COLEC11: variants seen among roughly 807,000 people sequenced by gnomAD.
COLEC11 encodes collectin subfamily member 11, also known as collectin-11.
Under a neutral mutation model 27.3 loss-of-function variants are expected in COLEC11, and 20 were observed. That is an observed-to-expected ratio of 0.73 (90% CI 0.51 to 1.06). The LOEUF is 1.06. Among genes scored for constraint, COLEC11 ranks in the 50% least tolerant of loss-of-function variants. The pLI, the probability that COLEC11 is intolerant of heterozygous loss-of-function variation, is 0.00. For synonymous variants in COLEC11, 163 were observed against 154.7 expected (o/e 1.05, Z -0.40); for missense variants, 310 against 383.0 (o/e 0.81, Z 1.59).
chr2:3,634,272 C>T (rs150894351), intron 3 of COLEC11, among the ~76,000 whole-genome samples: 2 of 152,172 alleles, frequency 1.3e-5, no homozygotes, highest in Non-Finnish European at 2.9e-5. Flanking sequence ...GCAGGGACTG[C>T]AGGTTTCTAG....
At chr2:3,637,012 G>A (rs1665464354) in intron 3 of COLEC11, among the ~76,000 whole-genome samples, 1 of 152,206 alleles carries the variant, frequency 6.6e-6, no homozygotes, top group African/African-American at 2.4e-5. Context: ...CTGATGAAGT[G>A]TCCTAGGACC....
At chr2:3,618,569 G>A (rs1663953734) in intron 3 of COLEC11, among the ~76,000 whole-genome samples, 1 of 152,168 alleles carries the variant, frequency 6.6e-6, no homozygotes, top group Non-Finnish European at 1.5e-5. Context: ...AAGTATACTG[G>A]TTTGATTACC....
intron 4 of COLEC11, among the ~76,000 whole-genome samples, chr2:3,639,203 T>C (rs1158413184): frequency 6.6e-6 from 1 of 152,268 alleles, no homozygotes; most frequent in Non-Finnish European, 1.5e-5. Flanking sequence ...TCCATTCACC[T>C]GTCGATGGAC....
rs1663876823 is a variant in COLEC11 at position 3,617,726 on chromosome 2, A to C, written c.202+4344A>C. On this transcript the variant is annotated intron_variant, in intron 3 of 6. Transcript: ENST00000349077. ...GAGCGAGGCGTGCGAGAACGAGAGA[A>C]GTCTGGTCTGCGCAGTGGCCACCAC... 2.3e-5 allele frequency: 35 copies of C among 1,523,390 alleles called. No homozygotes were observed. In the South Asian group the frequency reaches 3.9e-4, roughly 17 times the overall value. The allele number at this position is 1,523,390 out of a possible 1,614,324, so 94.4% of individuals were successfully genotyped here. A position where few individuals can be genotyped will look rare whatever the true frequency, so the allele number is the denominator to read the frequency against.
At chr2:3,604,877 T>C (rs970480069) in intron 2 of COLEC11, 22 of 375,330 alleles carry the variant, frequency 5.9e-5, no homozygotes, top group Non-Finnish European at 1.0e-4. Context: ...TGCTTCTACA[T>C]TGCTTCCTGA....
intron 2 of COLEC11, among the ~76,000 whole-genome samples, chr2:3,610,530 G>T (rs946327952): frequency 6.6e-6 from 1 of 152,166 alleles, no homozygotes; most frequent in Non-Finnish European, 1.5e-5. Flanking sequence ...CCTCATCTCA[G>T]CCACAATCAC....
At chr2:3,595,677 T>C (rs573056809) in intron 1 of COLEC11, among the ~76,000 whole-genome samples, 349 of 152,242 alleles carry the variant, frequency 2.3e-3, no homozygotes, top group Middle Eastern at 6.8e-3. Context: ...TTGGCAACTT[T>C]CCAGGGAAAG....
rs1662283368 is a variant in COLEC11 at position 3,602,213 on chromosome 2, G to T, written c.-26-2102G>T. On this transcript the variant is annotated intron_variant, in intron 1 of 6. Coordinates refer to ENST00000349077, the MANE Select transcript of COLEC11 (RefSeq NM_024027.5). This position sits in a 1 kb window ranked among gnomAD's most constrained non-coding sequence, Gnocchi z 6.2. ...TGACCTTCATTTTGGACCTGAGAGG[G>T]CCAGCTGGCTTGGAATTGTGGGAGA... is the stretch of plus-strand genomic sequence containing the variant. 6.6e-6 allele frequency among the ~76,000 whole-genome samples: 1 copy of T among 152,132 alleles called. No individual in the cohort carries two copies. The highest frequency in any genetic ancestry group is 2.4e-5 in the African/African-American group (1 of 41,434).
At chr2:3,605,197 A>T in intron 2 of COLEC11, 1 of 452,458 alleles carries the variant, frequency 2.2e-6, no homozygotes, top group Non-Finnish European at 4.6e-6. Flanking sequence ...ACAGAACCCA[A>T]GAAGGGACAG....
Position 3,644,056 on chromosome 2 carries a change from AACG to A in COLEC11, c.758_760del (p.Asp253del), listed in dbSNP as rs1478182569. On this transcript the variant is annotated inframe_deletion, in exon 7 of 7. Coordinates refer to ENST00000349077, the MANE Select transcript of COLEC11 (RefSeq NM_024027.5). Reference sequence around the variant, plus strand: ...GGAGATGGTGGCCTCGGGCGGCTGGAACGACGTGGCCTGCCACACCACCATGTA... The same window carrying A: ...GGAGATGGTGGCCTCGGGCGGCTGGAACGTGGCCTGCCACACCACCATGTA... 6.2e-7 allele frequency: 1 copy of A among 1,613,506 alleles called. No individual in the cohort carries two copies.
rs1413745796 is a variant in COLEC11 at position 3,615,804 on chromosome 2, G to T, written c.202+2422G>T. On this transcript the variant is annotated intron_variant, in intron 3 of 6. Coordinates refer to ENST00000349077, the MANE Select transcript of COLEC11 (RefSeq NM_024027.5). ...CCAGATGGGGCGGCTGGCCAGGCAG[G>T]GGCTGCCCCCCACCTCCCTCCCGGA... Among the ~76,000 whole-genome samples, 97 of 27,566 alleles carry T rather than the reference G, an allele frequency of 3.5e-3. 1 individual carries two copies. Among genetic ancestry groups the T allele is most frequent in the African/African-American group, 6.7e-3 (90 of 13,442 alleles). 18.1% of individuals were successfully genotyped at this position (27,566 alleles called of 152,430 possible). A position where few individuals can be genotyped will look rare whatever the true frequency, so the allele number is the denominator to read the frequency against.
chr2:3,639,027 A>G (rs2147959648), intron 4 of COLEC11, among the ~76,000 whole-genome samples: 1 of 152,230 alleles, frequency 6.6e-6, no homozygotes, highest in East Asian at 1.9e-4. Flanking sequence ...GAATTTGCCT[A>G]TTCTAGATAT....
At chr2:3,638,623 C>T (rs1356548631) in intron 4 of COLEC11, among the ~76,000 whole-genome samples, 1 of 152,104 alleles carries the variant, frequency 6.6e-6, no homozygotes, top group Non-Finnish European at 1.5e-5. Flanking sequence ...CCTAGCCCAG[C>T]CTGTACCTGG....
At chr2:3,604,662 A>T (rs978150819) in intron 2 of COLEC11, among the ~76,000 whole-genome samples, 192 bp downstream of exon 2, 1 of 152,204 alleles carries the variant, frequency 6.6e-6, no homozygotes, top group African/African-American at 2.4e-5. Context: ...CGGCCATGGA[A>T]TTCCTAATTC....
Position 3,643,333 on chromosome 2 carries a change from G to T in COLEC11, c.329-111G>T, listed in dbSNP as rs1025470137. 13 of 912,126 alleles carry T rather than the reference G, an allele frequency of 1.4e-5. No homozygotes were observed. In the African/African-American group the frequency reaches 1.6e-4, roughly 11 times the overall value. 56.5% of individuals were successfully genotyped at this position (912,126 alleles called of 1,614,324 possible). A position where few individuals can be genotyped will look rare whatever the true frequency, so the allele number is the denominator to read the frequency against. ...ATGGTTATTGCGGCCTCAAAGGCCC[G>T]TGGGGCACGTTTGTTGAGTAAAATG... On this transcript the variant is annotated intron_variant, in intron 5 of 6. Transcript: ENST00000349077.
At chr2:3,633,845 G>A (rs1461859705) in intron 3 of COLEC11, among the ~76,000 whole-genome samples, 1 of 152,140 alleles carries the variant, frequency 6.6e-6, no homozygotes, top group East Asian at 1.9e-4. Context: ...CGGTGCGGTG[G>A]AGAGCTGGGT....
chr2:3,612,323 C>T (rs1663271673), intron 2 of COLEC11, among the ~76,000 whole-genome samples: 1 of 152,150 alleles, frequency 6.6e-6, no homozygotes, highest in African/African-American at 2.4e-5. Context: ...GATAGTGCAA[C>T]AGGTAAGAAA....
rs986850734 is a variant in COLEC11 at position 3,605,663 on chromosome 2, C to T, written c.130+1193C>T. ...ATCCGGTCCGCCCCCTCCTCATCCG[C>T]GGTCCGCTTGGGCCTTCAGCTTCTC... On this transcript the variant is annotated intron_variant, in intron 2 of 6. Transcript: ENST00000349077. 1.5e-5 allele frequency: 3 copies of T among 194,588 alleles called. 1 individual carries two copies. The highest frequency in any genetic ancestry group is 1.7e-4 in the South Asian group (2 of 11,826). The allele number at this position is 194,588 out of a possible 1,614,324, so 12.1% of individuals were successfully genotyped here. A position where few individuals can be genotyped will look rare whatever the true frequency, so the allele number is the denominator to read the frequency against.
intron 3 of COLEC11, among the ~76,000 whole-genome samples, chr2:3,615,738 C>T (rs886800383): frequency 2.0e-5 from 3 of 151,498 alleles, no homozygotes; most frequent in South Asian, 2.1e-4. Context: ...CCCCCCACCT[C>T]GCGGACAGGG....
Sources: gnomAD v4.1 joint callset for allele counts (sites outside exome capture counted in the v4.1 genomes callset) on GRCh38, gnomAD v4.1.1 for gene constraint, Gnocchi (gnomAD v3.1) non-coding constraint, MANE v1.5 for transcripts, NCBI Gene and HGNC (gene_info 2026-07-23, HGNC 2026-07-21) for gene names.